The following UNC5D variants were observed in gnomAD, a reference collection of about 807,000 sequenced individuals.
UNC5D encodes unc-5 netrin receptor D, also known as netrin receptor UNC5D.
Under a neutral mutation model 105.4 loss-of-function variants are expected in UNC5D, and 39 were observed. That is an observed-to-expected ratio of 0.37 (90% CI 0.29 to 0.48). The LOEUF (loss-of-function observed/expected upper bound fraction) is 0.48. Ranked by LOEUF, UNC5D falls within the 20% of genes least tolerant of loss-of-function variation. The pLI is 0.98. For missense variants in UNC5D, 991 were observed against 1,202.4 expected (o/e 0.82, Z 2.60); for synonymous variants, 452 against 450.4 (o/e 1.00, Z -0.04).
At chr8:35,708,757 C>A (rs1390776613) in intron 8 of UNC5D, among the ~76,000 whole-genome samples, 1 of 152,202 alleles carries the variant, frequency 6.6e-6, no homozygotes, top group Non-Finnish European at 1.5e-5. Flanking sequence ...CCTTTCCATG[C>A]AGTTTTGTAC....
chr8:35,626,355 A>T (rs1216062648), intron 4 of UNC5D, among the ~76,000 whole-genome samples: 1 of 152,126 alleles, frequency 6.6e-6, no homozygotes, highest in Admixed American at 6.5e-5. Context: ...TGTATTTTGT[A>T]TATGACTTAG....
intron 1 of UNC5D, among the ~76,000 whole-genome samples, chr8:35,398,488 T>A (rs1804239335): frequency 6.6e-6 from 1 of 152,108 alleles, no homozygotes; most frequent in Non-Finnish European, 1.5e-5. Context: ...AAATAGCCCC[T>A]TAATTTGTAA....
intron 9 of UNC5D, chr8:35,724,179 T>A: frequency 1.4e-6 from 2 of 1,481,112 alleles, no homozygotes; most frequent in Non-Finnish European, 1.8e-6. Context: ...AACTTATGTG[T>A]ATTGTAAATC....
intron 3 of UNC5D, among the ~76,000 whole-genome samples, chr8:35,568,863 A>G (rs200805398): frequency 1.3e-5 from 2 of 152,314 alleles, no homozygotes; most frequent in East Asian, 3.9e-4. Flanking sequence ...TTCACCGTCA[A>G]TGACAAAGTT....
intron 1 of UNC5D, among the ~76,000 whole-genome samples, chr8:35,371,998 A>T (rs1484632882): frequency 6.6e-6 from 1 of 151,998 alleles, no homozygotes; most frequent in Non-Finnish European, 1.5e-5. Flanking sequence ...TAGGTCTTTG[A>T]TCTTAGCCTC....
chr8:35,593,660 G>A (rs1211266955), intron 3 of UNC5D, among the ~76,000 whole-genome samples: 1 of 152,132 alleles, frequency 6.6e-6, no homozygotes, highest in Non-Finnish European at 1.5e-5. Context: ...TACTTGGGAA[G>A]CTGAGGTGGG....
intron 11 of UNC5D, among the ~76,000 whole-genome samples, chr8:35,734,993 G>T (rs529729312): frequency 6.6e-6 from 1 of 152,012 alleles, no homozygotes; most frequent in East Asian, 1.9e-4. Context: ...GGCCAGGCTG[G>T]TCTCAAACTC....
At chr8:35,542,707 T>A in intron 1 of UNC5D, among the ~76,000 whole-genome samples, 1 of 152,164 alleles carries the variant, frequency 6.6e-6, no homozygotes, top group Non-Finnish European at 1.5e-5. Flanking sequence ...CTAACAGAAT[T>A]TTACTAATAT....
chr8:35,653,042 G>C (rs973262474), intron 4 of UNC5D, among the ~76,000 whole-genome samples: 1 of 143,198 alleles, frequency 7.0e-6, no homozygotes, highest in African/African-American at 2.6e-5. Context: ...TGATTTTCCT[G>C]CCTTAGCCTC....
intron 4 of UNC5D, among the ~76,000 whole-genome samples, chr8:35,623,786 A>C (rs1821512774): frequency 6.6e-6 from 1 of 152,278 alleles, no homozygotes; most frequent in African/African-American, 2.4e-5. Flanking sequence ...ATTTGATTTT[A>C]TAAAAATTTC....
At chr8:35,435,294 C>A (rs909427882) in intron 1 of UNC5D, among the ~76,000 whole-genome samples, 1 of 152,056 alleles carries the variant, frequency 6.6e-6, no homozygotes, top group South Asian at 2.1e-4. Context: ...TTAAAGATTG[C>A]ATTTCACTTT....
chr8:35,443,300 C>G (rs777380649), intron 1 of UNC5D, among the ~76,000 whole-genome samples: 5 of 151,622 alleles, frequency 3.3e-5, no homozygotes, highest in Admixed American at 6.6e-5. Flanking sequence ...TCAGTTTGCT[C>G]TCTGTGGAAA....
chr8:35,402,672 A>T (rs1240109257), intron 1 of UNC5D, among the ~76,000 whole-genome samples: 1 of 152,118 alleles, frequency 6.6e-6, no homozygotes, highest in Admixed American at 6.5e-5. Flanking sequence ...ATGGCTTCTC[A>T]TCCTGGCCTC....
chr8:35,280,519 A>G (rs1585483951), intron 1 of UNC5D, among the ~76,000 whole-genome samples: 4 of 152,256 alleles, frequency 2.6e-5, no homozygotes, highest in Admixed American at 1.3e-4. Context: ...GTGCTTGTGC[A>G]TTTGTGTGAG....
intron 1 of UNC5D, among the ~76,000 whole-genome samples, chr8:35,497,548 A>G (rs1368926604): frequency 6.6e-6 from 1 of 152,074 alleles, no homozygotes; most frequent in Non-Finnish European, 1.5e-5. Flanking sequence ...GCAAGGGAGA[A>G]ATGATGCGTT....
chr8:35,550,363 C>T (rs772557002), intron 2 of UNC5D, among the ~76,000 whole-genome samples: 11 of 152,252 alleles, frequency 7.2e-5, no homozygotes, highest in Non-Finnish European at 1.5e-4. Flanking sequence ...TTGACAGAAA[C>T]AATCTATGCT....
At chr8:35,335,433 G>A (rs1810951751) in intron 1 of UNC5D, among the ~76,000 whole-genome samples, 1 of 152,018 alleles carries the variant, frequency 6.6e-6, no homozygotes, top group African/African-American at 2.4e-5. Context: ...TTTTTTAGAA[G>A]GATTAAATTA....
intron 1 of UNC5D, among the ~76,000 whole-genome samples, chr8:35,298,697 C>T (rs1807694201): frequency 6.8e-6 from 1 of 148,112 alleles, no homozygotes; most frequent in African/African-American, 2.5e-5. Context: ...TAGAGTTGCA[C>T]AATATCCTAA....
At chr8:35,311,319 TG>T (rs1274209782) in intron 1 of UNC5D, among the ~76,000 whole-genome samples, 2 of 152,132 alleles carry the variant, frequency 1.3e-5, no homozygotes, top group African/African-American at 2.4e-5. Flanking sequence ...CCATGGAAGA[TG>T]TTTTTTTTCA....
Sources: gnomAD v4.1 joint callset for allele counts (sites outside exome capture counted in the v4.1 genomes callset) on GRCh38, gnomAD v4.1.1 for gene constraint, MANE v1.5 for transcripts, NCBI Gene and HGNC (gene_info 2026-07-23, HGNC 2026-07-21) for gene names.